The following CHD1 variants were observed in gnomAD, a reference collection of about 807,000 sequenced individuals.
The protein encoded by CHD1 is ATP-dependent chromatin remodeler CHD1.
In CHD1, 36 loss-of-function variants were observed where a neutral mutation model predicts 224.2. That is an observed-to-expected ratio of 0.16 (90% CI 0.12 to 0.21). The LOEUF is 0.21. CHD1 is among the 10% of genes least tolerant of loss of function. The pLI is 1.00. For synonymous variants in CHD1, 668 were observed against 658.3 expected (o/e 1.01, Z -0.23); for missense variants, 1,378 against 1,994.8 (o/e 0.69, Z 5.89).
At chr5:98,878,763 G>A (rs1334185415) in intron 23 of CHD1, among the ~76,000 whole-genome samples, 1 of 152,094 alleles carries the variant, frequency 6.6e-6, no homozygotes, top group African/African-American at 2.4e-5. Flanking sequence ...AAAAAAACCT[G>A]TGGGTCAAAG....
intron 2 of CHD1, among the ~76,000 whole-genome samples, chr5:98,916,147 G>C (rs1471432412): frequency 1.3e-5 from 2 of 151,958 alleles, no homozygotes; most frequent in African/African-American, 4.8e-5. Context: ...AGCCAAGACT[G>C]TACCACTGCA....
intron 13 of CHD1, 30 bp downstream of exon 13, chr5:98,894,567 G>C (rs200649035): frequency 3.3e-6 from 3 of 899,126 alleles, no homozygotes; most frequent in East Asian, 2.8e-5. Flanking sequence ...ATATACAAGA[G>C]ACCAAAACAC....
intron 25 of CHD1, 27 bp downstream of exon 25, chr5:98,875,045 T>C (rs1749649437): frequency 5.1e-6 from 6 of 1,185,060 alleles, no homozygotes; most frequent in Non-Finnish European, 6.2e-6. Context: ...CATTCCATTA[T>C]TCTATGAGAA....
At position 98,872,298 on chromosome 5, in the gene CHD1, T is replaced by C. The variant is rs1749409540; in HGVS notation, c.3711-97A>G. The C allele has an allele frequency of 5.5e-6, 8 of 1,463,572 alleles. No individual in the cohort carries two copies. The Admixed American group carries it at 1.1e-4, about 20-fold the overall frequency. 90.7% of individuals were successfully genotyped at this position (1,463,572 alleles called of 1,614,324 possible). ...GAGTCATTAGAACTTCAAAATAATA[T>C]GCTTTATTTCTTCCTTTTTTTTTTC... On this transcript the variant is annotated intron_variant, in intron 27 of 35. Coordinates refer to ENST00000614616, the MANE Select transcript of CHD1 (RefSeq NM_001270.4).
Position 98,855,373 on chromosome 5 carries a change from A to G in CHD1, c.*1007T>C, listed in dbSNP as rs942496679. 5 of 152,616 alleles carry G rather than the reference A, an allele frequency of 3.3e-5. No individual in the cohort carries two copies. The highest frequency in any genetic ancestry group is 6.5e-5 in the Admixed American group (1 of 15,268). The allele number at this position is 152,616 out of a possible 1,614,324, so 9.5% of individuals were successfully genotyped here. A position where few individuals can be genotyped will look rare whatever the true frequency, so the allele number is the denominator to read the frequency against. ...AAACGGGAAAACAAACGGATTTACA[A>G]TAACTTTTGGCCGTTTTGGATTCTG... On this transcript the variant is annotated 3_prime_UTR_variant, in exon 36 of 36. Transcript: ENST00000614616.
At position 98,914,954 on chromosome 5, in the gene CHD1, T is replaced by G. The variant is rs548578498; in HGVS notation, c.54-9856A>C. On this transcript the variant is annotated intron_variant, in intron 2 of 35. Coordinates refer to ENST00000614616, the MANE Select transcript of CHD1 (RefSeq NM_001270.4). Reference sequence around the variant, plus strand: ...TTATTTTAGTTATTTTATAGACCACTGTCCACTTTAGCATGACTGTAGAAA... The same window carrying G: ...TTATTTTAGTTATTTTATAGACCACGGTCCACTTTAGCATGACTGTAGAAA... Among the ~76,000 whole-genome samples, 16 of 152,352 alleles carry G rather than the reference T, an allele frequency of 1.1e-4. 1 individual carries two copies. Among genetic ancestry groups the G allele is most frequent in the Admixed American group, 9.1e-4 (14 of 15,306 alleles).
chr5:98,907,022 C>G (rs1752087947), intron 2 of CHD1, among the ~76,000 whole-genome samples: 2 of 152,140 alleles, frequency 1.3e-5, no homozygotes, highest in Admixed American at 1.3e-4. Flanking sequence ...ATTGTGGGGG[C>G]TATTGTGGGC....
At chr5:98,917,245 C>A (rs183843765) in intron 2 of CHD1, among the ~76,000 whole-genome samples, 10 of 138,818 alleles carry the variant, frequency 7.2e-5, no homozygotes. Context: ...TTTTAACATA[C>A]GTGAAATTTA....
intron 35 of CHD1, among the ~76,000 whole-genome samples, chr5:98,857,213 G>GT (rs1443539471): frequency 2.6e-5 from 4 of 152,102 alleles, no homozygotes; most frequent in Non-Finnish European, 5.9e-5. Context: ...TAGTTATATA[G>GT]TAAGACTCGA....
At chr5:98,909,203 T>C (rs566401270) in intron 2 of CHD1, among the ~76,000 whole-genome samples, 2 of 152,316 alleles carry the variant, frequency 1.3e-5, no homozygotes, top group African/African-American at 4.8e-5. Flanking sequence ...GCTATCCCTT[T>C]AGTCTCATAA....
chr5:98,879,366 G>T (rs570909195), intron 23 of CHD1, among the ~76,000 whole-genome samples, 186 bp downstream of exon 23: 4 of 152,044 alleles, frequency 2.6e-5, no homozygotes, highest in Admixed American at 1.3e-4. Flanking sequence ...CCAGGAGCAG[G>T]TTCTTTGAAA....
At chr5:98,920,986 A>C (rs1342848017) in intron 2 of CHD1, among the ~76,000 whole-genome samples, 2 of 152,174 alleles carry the variant, frequency 1.3e-5, no homozygotes, top group Non-Finnish European at 2.9e-5. Context: ...TACAACAGAA[A>C]AGAGGGAGTT....
chr5:98,905,162 C>T (rs1221756438), intron 2 of CHD1, 64 bp from the exon 3 acceptor site: 2 of 1,586,096 alleles, frequency 1.3e-6, no homozygotes, highest in Admixed American at 3.5e-5. Flanking sequence ...TCTTAGACGT[C>T]AGCAGAAAGC....
At chr5:98,878,256 C>G (rs1749909164) in intron 23 of CHD1, among the ~76,000 whole-genome samples, 1 of 152,226 alleles carries the variant, frequency 6.6e-6, no homozygotes, top group South Asian at 2.1e-4. Flanking sequence ...AGAAAGTGAG[C>G]AGTCACCTTT....
chr5:98,898,127 A>T, intron 10 of CHD1, 129 bp downstream of exon 10: 1 of 434,608 alleles, frequency 2.3e-6, no homozygotes, highest in Non-Finnish European at 3.8e-6. Flanking sequence ...TTCCTGTAAG[A>T]CCTATTAACC....
At position 98,859,029 on chromosome 5, in the gene CHD1, A is replaced by C. The variant is rs761910125; in HGVS notation, c.4525-14T>G. The stretch of plus-strand genomic sequence containing the variant: ...ATCACTGTTTTGCTAAAATAAATGC[A>C]CACGTGTTAAGAATCTTTAGGTGAC... On this transcript the variant is annotated splice_polypyrimidine_tract_variant and intron_variant, in intron 33 of 35. Transcript: ENST00000614616. The C allele has an allele frequency of 1.3e-6, 2 of 1,564,468 alleles. No homozygotes were observed. Among genetic ancestry groups the C allele is most frequent in the Non-Finnish European group, 1.7e-6 (2 of 1,162,948 alleles).
chr5:98,882,650 A>C (rs1750278822), intron 19 of CHD1, among the ~76,000 whole-genome samples: 1 of 152,190 alleles, frequency 6.6e-6, no homozygotes, highest in African/African-American at 2.4e-5. Flanking sequence ...GTAAAGGTTC[A>C]GTACCACCAT....
At chr5:98,891,006 A>C (rs1004963695) in intron 15 of CHD1, among the ~76,000 whole-genome samples, 1 of 152,218 alleles carries the variant, frequency 6.6e-6, no homozygotes, top group Admixed American at 6.5e-5. Context: ...ACTGATACTG[A>C]ATATTGGTAT....
intron 13 of CHD1, 113 bp downstream of exon 13, chr5:98,894,484 G>A (rs895311551): frequency 7.2e-6 from 3 of 415,706 alleles, no homozygotes; most frequent in East Asian, 3.9e-5. Context: ...TAAGACCACA[G>A]GCTATAGCTT....
Sources: gnomAD v4.1 joint callset for allele counts (sites outside exome capture counted in the v4.1 genomes callset) on GRCh38, gnomAD v4.1.1 for gene constraint, MANE v1.5 for transcripts, NCBI Gene and HGNC (gene_info 2026-07-23, HGNC 2026-07-21) for gene names.